Variants in KIAA0513 observed in about 807,000 individuals in gnomAD.
KIAA0513 encodes uncharacterized protein KIAA0513.
KIAA0513 carries 39 observed loss-of-function variants against 56.5 expected under a neutral mutation model. The observed-to-expected ratio is 0.69, with a 90% CI of 0.53 to 0.90. The LOEUF (loss-of-function observed/expected upper bound fraction) is 0.90, where lower values mean the gene tolerates loss of function less well. Among genes scored for constraint, KIAA0513 ranks in the 40% least tolerant of loss-of-function variants. The probability of loss-of-function intolerance (pLI) is 0.00; values close to 1 mark genes in which losing one functional copy is unlikely to be tolerated. For synonymous variants in KIAA0513, 268 were observed against 215.6 expected (o/e 1.24, Z -2.13); for missense variants, 591 against 535.2 (o/e 1.10, Z -1.03).
intron 9 of KIAA0513, 90 bp from the exon 10 acceptor site, chr16:85,082,474 C>A: frequency 7.9e-7 from 1 of 1,268,150 alleles, no homozygotes; most frequent in Non-Finnish European, 1.1e-6. Context: ...CCTGTAATAA[C>A]CCTCCTCTGC....
chr16:85,086,437 T>C (rs1190661561), intron 10 of KIAA0513, among the ~76,000 whole-genome samples: 1 of 152,240 alleles, frequency 6.6e-6, no homozygotes, highest in African/African-American at 2.4e-5. Context: ...GTGAGATGAA[T>C]GTTGGGGACC....
intron 1 of KIAA0513, among the ~76,000 whole-genome samples, chr16:85,065,734 G>A (rs1442156377): frequency 6.6e-6 from 1 of 152,200 alleles, no homozygotes; most frequent in African/African-American, 2.4e-5. Context: ...TGTGGTTAGA[G>A]GTGTGCTCTG....
chr16:85,089,046 C>G lies in KIAA0513; in HGVS notation c.*721C>G, dbSNP rs981904317. 2 of 152,276 alleles carry G rather than the reference C, an allele frequency of 1.3e-5. No homozygotes were observed. Among genetic ancestry groups the G allele is most frequent in the African/African-American group, 2.4e-5 (1 of 41,444 alleles). The allele number at this position is 152,276 out of a possible 1,614,324, so 9.4% of individuals were successfully genotyped here. The stretch of plus-strand genomic sequence containing the variant: ...GTCTCCGCCAGAGTCACAGCAGTGC[C>G]GAGGTGTCCGCGGCAGACCACACAG... On this transcript the variant is annotated 3_prime_UTR_variant, in exon 13 of 13. Coordinates refer to ENST00000683363, the MANE Select transcript of KIAA0513 (RefSeq NM_001388359.1). The surrounding 1 kb of genome is among the most constrained non-coding windows in gnomAD (Gnocchi z 4.2).
chr16:85,075,837 G>T lies in KIAA0513; in HGVS notation c.504-7G>T, dbSNP rs768074769. ...TCTTTAGCCATGAGCCTTGCCTCTT[G>T]TTTCAGGTGTCATCAGATGGATGAC... On this transcript the variant is annotated splice_polypyrimidine_tract_variant and splice_region_variant and intron_variant, in intron 4 of 12. Coordinates refer to ENST00000683363, the MANE Select transcript of KIAA0513 (RefSeq NM_001388359.1). The T allele has an allele frequency of 3.1e-6, 5 of 1,613,978 alleles. No homozygotes were observed. In the African/African-American group the frequency reaches 6.7e-5, roughly 22 times the overall value.
At chr16:85,050,375 A>G (rs1240019741) in intron 1 of KIAA0513, among the ~76,000 whole-genome samples, 1 of 142,512 alleles carries the variant, frequency 7.0e-6, no homozygotes, top group African/African-American at 2.7e-5. Context: ...TTTGAGACGG[A>G]CTCTTGTTCT....
intron 10 of KIAA0513, among the ~76,000 whole-genome samples, chr16:85,082,950 C>T (rs1272901144): frequency 6.6e-6 from 1 of 152,288 alleles, no homozygotes; most frequent in East Asian, 1.9e-4. Flanking sequence ...TGCTCTCCAC[C>T]AGCCACTCCG....
intron 12 of KIAA0513, among the ~76,000 whole-genome samples, chr16:85,087,893 G>T (rs1156991226): frequency 1.3e-5 from 2 of 152,234 alleles, no homozygotes; most frequent in African/African-American, 2.4e-5. Context: ...ACTAGCAAAG[G>T]GCAAGGGGGA....
chr16:85,029,194 C>A (rs1375934586), intron 1 of KIAA0513, among the ~76,000 whole-genome samples: 1 of 152,066 alleles, frequency 6.6e-6, no homozygotes, highest in African/African-American at 2.4e-5. Flanking sequence ...AATTGGCTCG[C>A]AATGAAAAAG....
chr16:85,040,057 CTCCTGACCTCAGGTGA>C (rs1344094965), intron 1 of KIAA0513, among the ~76,000 whole-genome samples: 1 of 152,112 alleles, frequency 6.6e-6, no homozygotes, highest in Non-Finnish European at 1.5e-5. Context: ...TAGTCTCGAA[CTCCTGACCTCAGGTGA>C]TCCGCCCGCC....
chr16:85,079,009 G>C lies in KIAA0513; in HGVS notation c.902+6G>C. Reference sequence around the variant, plus strand: ...CTGAAGCAACAGCCCATCTGGTAAGGCCGAGCCCGCGGCTTCCCGTCACCC... The same window carrying C: ...CTGAAGCAACAGCCCATCTGGTAAGCCCGAGCCCGCGGCTTCCCGTCACCC... On this transcript the variant is annotated splice_donor_region_variant and intron_variant, in intron 8 of 12. Coordinates refer to ENST00000683363, the MANE Select transcript of KIAA0513 (RefSeq NM_001388359.1). The C allele has an allele frequency of 6.2e-7, 1 of 1,614,148 alleles. No individual in the cohort carries two copies. The highest frequency in any genetic ancestry group is 1.3e-5 in the African/African-American group (1 of 75,052).
At chr16:85,083,183 C>T (rs530582248) in intron 10 of KIAA0513, among the ~76,000 whole-genome samples, 4 of 152,288 alleles carry the variant, frequency 2.6e-5, no homozygotes, top group Admixed American at 6.5e-5. Context: ...GAGGGGCCCC[C>T]GAGGAAATCC....
Position 85,076,054 on chromosome 16 carries a change from G to A in KIAA0513, c.574+140G>A. 1.5e-6 allele frequency: 1 copy of A among 654,102 alleles called. No homozygotes were observed. The highest frequency in any genetic ancestry group is 2.7e-6 in the Non-Finnish European group (1 of 364,174). The allele number at this position is 654,102 out of a possible 1,614,324, so 40.5% of individuals were successfully genotyped here. On this transcript the variant is annotated intron_variant, in intron 5 of 12. Coordinates refer to ENST00000683363, the MANE Select transcript of KIAA0513 (RefSeq NM_001388359.1). The surrounding 1 kb of genome is among the most constrained non-coding windows in gnomAD (Gnocchi z 4.7). Reference sequence around the variant, plus strand: ...CAGAGGAAGCTGATGTTAGGGAGGAGTGAGACTTCGGAGAAAACACAGTCC... The same window carrying A: ...CAGAGGAAGCTGATGTTAGGGAGGAATGAGACTTCGGAGAAAACACAGTCC...
At chr16:85,080,324 GGCCAGATGGTCTCTGCTGCA>G (rs1422473612) in intron 8 of KIAA0513, among the ~76,000 whole-genome samples, 1 of 152,202 alleles carries the variant, frequency 6.6e-6, no homozygotes, top group Admixed American at 6.5e-5. Context: ...AGACTTTGCG[GGCCAGATGGTCTCTGCTGCA>G]GCCACACCAC....
rs1332301066 is a variant in KIAA0513 at position 85,090,084 on chromosome 16, CCCTT to C, written c.*1762_*1765del. 9.2e-5 allele frequency: 14 copies of C among 152,144 alleles called. No individual in the cohort carries two copies. The highest frequency in any genetic ancestry group is 3.4e-4 in the African/African-American group (14 of 41,470). The allele number at this position is 152,144 out of a possible 1,614,324, so 9.4% of individuals were successfully genotyped here. On this transcript the variant is annotated 3_prime_UTR_variant, in exon 13 of 13. Coordinates refer to ENST00000683363, the MANE Select transcript of KIAA0513 (RefSeq NM_001388359.1). Reference sequence around the variant, plus strand: ...TGGGGAGTTGTGCAGGCTGGGGTGACCCTTCCCCCATCATTGGGCCCCAACGGGC... The same window carrying C: ...TGGGGAGTTGTGCAGGCTGGGGTGACCCCCCATCATTGGGCCCCAACGGGC...
chr16:85,081,033 C>T lies in KIAA0513; in HGVS notation c.903-282C>T, dbSNP rs1465095977. ...AGATGGTGGCTTCAACTTTGCCCGC[C>T]AGTGCCCTCCTGCCTGCAGCGCAGC... On this transcript the variant is annotated intron_variant, in intron 8 of 12. Coordinates refer to ENST00000683363, the MANE Select transcript of KIAA0513 (RefSeq NM_001388359.1). The surrounding 1 kb of genome is among the most constrained non-coding windows in gnomAD (Gnocchi z 4.4). Among the ~76,000 whole-genome samples the T allele has an allele frequency of 6.6e-6, 1 of 152,194 alleles. No individual in the cohort carries two copies. Among genetic ancestry groups the T allele is most frequent in the African/African-American group, 2.4e-5 (1 of 41,464 alleles).
In KIAA0513 at chr16:85,088,422, C is replaced by G. The variant is rs2073834322; in HGVS notation, c.*97C>G. Reference sequence around the variant, plus strand: ...ACCCCACCCGATGACCTGCATGAAGCCAGCAGCACCCAGAGCCACTCCTGC... The same window carrying G: ...ACCCCACCCGATGACCTGCATGAAGGCAGCAGCACCCAGAGCCACTCCTGC... On this transcript the variant is annotated 3_prime_UTR_variant, in exon 13 of 13. Transcript: ENST00000683363. The G allele has an allele frequency of 1.0e-6, 1 of 995,966 alleles. No homozygotes were observed. 61.7% of individuals were successfully genotyped at this position (995,966 alleles called of 1,614,324 possible).
intron 1 of KIAA0513, among the ~76,000 whole-genome samples, chr16:85,045,224 AG>A (rs954269212): frequency 6.6e-5 from 10 of 152,224 alleles, no homozygotes; most frequent in African/African-American, 2.4e-4. Flanking sequence ...GTGCTGTGAA[AG>A]AGCAGGTGAA....
At chr16:85,028,198 G>T (rs1052525290) in intron 1 of KIAA0513, among the ~76,000 whole-genome samples, 1 of 152,148 alleles carries the variant, frequency 6.6e-6, no homozygotes, top group Non-Finnish European at 1.5e-5. Context: ...CCAACCCCGG[G>T]GCAGATGGTG....
chr16:85,031,050 G>A (rs1417563138), intron 1 of KIAA0513, among the ~76,000 whole-genome samples: 1 of 152,174 alleles, frequency 6.6e-6, no homozygotes, highest in South Asian at 2.1e-4. Flanking sequence ...AAAAAAATAA[G>A]CATATTAATT....
Sources: allele counts gnomAD v4.1 joint callset (sites outside exome capture counted in the v4.1 genomes callset), GRCh38; gene constraint gnomAD v4.1.1; non-coding constraint Gnocchi (gnomAD v3.1); transcripts MANE v1.5; gene names NCBI Gene and HGNC (gene_info 2026-07-23, HGNC 2026-07-21).